The following CCDC141 variants were observed in gnomAD, a reference collection of about 807,000 sequenced individuals.
The protein encoded by CCDC141 is coiled-coil domain containing 141, also known as coiled-coil domain-containing protein 141.
A neutral mutation model predicts 181.0 loss-of-function variants in CCDC141; 168 were observed. The ratio of observed to expected loss-of-function variants is 0.93; its 90% confidence interval spans 0.82 to 1.05. The LOEUF is 1.05. Among genes scored for constraint, CCDC141 ranks in the 50% least tolerant of loss-of-function variants. The pLI is 0.00. For missense variants in CCDC141, 1,902 were observed against 1,788.5 expected (o/e 1.06, Z -1.14); for synonymous variants, 666 against 642.3 (o/e 1.04, Z -0.56).
Position 178,903,766 on chromosome 2 carries a change from A to T in CCDC141, c.1265+1563T>A, listed in dbSNP as rs954054935. ...AAACTTAAAGTATAGTAATAATTTA[A>T]AAAAAAATTAAAAAAAAAAAGAAAG... On this transcript the variant is annotated intron_variant, in intron 8 of 23. Coordinates refer to ENST00000443758, the MANE Select transcript of CCDC141 (RefSeq NM_173648.4). Among the ~76,000 whole-genome samples the T allele has an allele frequency of 1.1e-4, 12 of 106,998 alleles. No individual in the cohort carries two copies. In the East Asian group the frequency reaches 1.9e-3, roughly 17 times the overall value. The allele number at this position is 106,998 out of a possible 152,430, so 70.2% of individuals were successfully genotyped here. A position where few individuals can be genotyped will look rare whatever the true frequency, so the allele number is the denominator to read the frequency against.
intron 8 of CCDC141, among the ~76,000 whole-genome samples, chr2:178,898,878 T>G (rs890033412): frequency 6.6e-6 from 1 of 152,198 alleles, no homozygotes; most frequent in Non-Finnish European, 1.5e-5. Context: ...AAATTAAGCC[T>G]TTTAATACAT....
intron 3 of CCDC141, among the ~76,000 whole-genome samples, chr2:178,975,776 C>A (rs756622575): frequency 6.6e-6 from 1 of 152,058 alleles, no homozygotes; most frequent in Non-Finnish European, 1.5e-5. Context: ...AAAAAATACA[C>A]ACCAAATGGT....
At position 178,834,094 on chromosome 2, in the gene CCDC141, G is replaced by T; in HGVS notation, c.*79C>A. On this transcript the variant is annotated 3_prime_UTR_variant, in exon 24 of 24. Transcript: ENST00000443758. ...AGATACACTTGGTGGGAGATGCTTT[G>T]CAGGAGGTGCAGGAAGATAAACGGC... is the stretch of plus-strand genomic sequence containing the variant. 7.2e-7 allele frequency: 1 copy of T among 1,381,970 alleles called. No individual in the cohort carries two copies. Among genetic ancestry groups the T allele is most frequent in the Non-Finnish European group, 9.8e-7 (1 of 1,019,064 alleles). The allele number at this position is 1,381,970 out of a possible 1,614,324, so 85.6% of individuals were successfully genotyped here.
At chr2:178,958,540 C>T (rs143181056) in intron 5 of CCDC141, among the ~76,000 whole-genome samples, 194 of 152,250 alleles carry the variant, frequency 1.3e-3, no homozygotes, top group African/African-American at 4.6e-3. Context: ...AATGAGACCC[C>T]GTAAGTTAGA....
chr2:178,972,407 C>T (rs542677493), intron 4 of CCDC141, among the ~76,000 whole-genome samples: 1 of 152,236 alleles, frequency 6.6e-6, no homozygotes, highest in African/African-American at 2.4e-5. Flanking sequence ...GGTCTCACAA[C>T]CTGATGATGA....
chr2:178,845,093 C>T (rs1409802646), intron 22 of CCDC141, among the ~76,000 whole-genome samples: 1 of 152,058 alleles, frequency 6.6e-6, no homozygotes, highest in Admixed American at 6.6e-5. Flanking sequence ...TCTCTAAATA[C>T]TTTAGTATTT....
intron 12 of CCDC141, chr2:178,875,374 G>T (rs1268763663): frequency 6.6e-6 from 1 of 152,042 alleles, no homozygotes; most frequent in Non-Finnish European, 1.5e-5. Context: ...AGACCAGCCT[G>T]GTCAACATGG....
In CCDC141 at chr2:178,837,301, C is replaced by G; in HGVS notation, c.3918G>C (p.Val1306=). The change falls in exon 23 of 24, where the codon GTG becomes GTC. Residue 1306 remains valine (V), a synonymous_variant. Transcript: ENST00000443758. The stretch of plus-strand genomic sequence containing the variant: ...TTCTGTGTAAGGCAGTACTCTTTTC[C>G]ACGAATCCTCTGGAGGTTAGTGGGG... ...AEPPLTSRGF[V]EKSTALHRIS... The G allele has an allele frequency of 6.2e-7, 1 of 1,614,066 alleles. No homozygotes were observed. The highest frequency in any genetic ancestry group is 8.5e-7 in the Non-Finnish European group (1 of 1,179,980).
intron 6 of CCDC141, among the ~76,000 whole-genome samples, chr2:178,943,805 G>A (rs1689619276): frequency 6.6e-6 from 1 of 152,092 alleles, no homozygotes; most frequent in Non-Finnish European, 1.5e-5. Flanking sequence ...AAGACACAAT[G>A]GAGAGAAGGT....
In CCDC141 at chr2:178,891,987, A is replaced by G. The variant is rs559293040; in HGVS notation, c.1266-3319T>C. 3.9e-5 allele frequency among the ~76,000 whole-genome samples: 6 copies of G among 152,254 alleles called. No homozygotes were observed. In the South Asian group the frequency reaches 1.2e-3, roughly 32 times the overall value. On this transcript the variant is annotated intron_variant, in intron 8 of 23. Transcript: ENST00000443758. The stretch of plus-strand genomic sequence containing the variant: ...AATGCCCATTTTCAAATCAAATAAA[A>G]TAGTCTCTGGTCATTATTTAAGGGA...
intron 4 of CCDC141, among the ~76,000 whole-genome samples, chr2:178,965,217 A>T (rs1284213973): frequency 6.6e-6 from 1 of 152,324 alleles, no homozygotes; most frequent in African/African-American, 2.4e-5. Flanking sequence ...TTTCTCTTGA[A>T]CATAATTAAC....
At chr2:179,020,632 A>C (rs896663645) in intron 2 of CCDC141, among the ~76,000 whole-genome samples, 7 of 152,152 alleles carry the variant, frequency 4.6e-5, no homozygotes, top group Admixed American at 3.3e-4. Context: ...CAAGTCCCTT[A>C]ATCTCCCTGA....
At position 178,978,486 on chromosome 2, in the gene CCDC141, C is replaced by G. The variant is rs1691221103; in HGVS notation, c.415G>C (p.Glu139Gln). The G allele has an allele frequency of 6.7e-7, 1 of 1,496,694 alleles. No homozygotes were observed. The highest frequency in any genetic ancestry group is 2.6e-5 in the East Asian group (1 of 39,094). 92.7% of individuals were successfully genotyped at this position (1,496,694 alleles called of 1,614,324 possible). A position where few individuals can be genotyped will look rare whatever the true frequency, so the allele number is the denominator to read the frequency against. Residue 139 changes from glutamate to glutamine, a missense_variant and splice_region_variant, in exon 3 of 24, where the codon GAG becomes CAG. Physicochemically the swap from Glu to Gln is conservative, Grantham distance 29. Transcript: ENST00000443758. ...GAGAAGTTTTTTAAAGTACAAACCT[C>G]TAAGGCATTTTCAAAAAATTCAGAA... The part of the protein sequence containing the change: ...LTSEFFENAL[E>Q]FAIKIDQAED...
At position 178,831,866 on chromosome 2, in the gene CCDC141, C is replaced by A. The variant is rs971108927; in HGVS notation, c.*2307G>T. 6.6e-6 allele frequency: 1 copy of A among 152,248 alleles called. No homozygotes were observed. The highest frequency in any genetic ancestry group is 1.5e-5 in the Non-Finnish European group (1 of 68,174). 9.4% of individuals were successfully genotyped at this position (152,248 alleles called of 1,614,324 possible). On this transcript the variant is annotated 3_prime_UTR_variant, in exon 24 of 24. Coordinates refer to ENST00000443758, the MANE Select transcript of CCDC141 (RefSeq NM_173648.4). ...GATCTTTGTGCTCCCCCACCCCCAC[C>A]TTTCTCTTTCTCTCTCTCTCTAAAA... is the stretch of plus-strand genomic sequence containing the variant.
Position 178,884,965 on chromosome 2 carries a change from T to C in CCDC141, c.1655A>G (p.Gln552Arg). The change falls in exon 11 of 24, where the codon CAA (glutamine) becomes CGA (arginine). Residue 552 changes from glutamine (Q) to arginine (R), a missense_variant. Transcript: ENST00000443758. The part of the protein sequence containing the change: ...WLAEELNLFG[Q>R]SIDYRSQVLQ... ...GACTTGCGATCTATAGTCAATGCTT[T>C]GGCCAAATAGGTTTAATTCTTCTGC... 6.4e-7 allele frequency: 1 copy of C among 1,550,486 alleles called. No homozygotes were observed. Among genetic ancestry groups the C allele is most frequent in the Non-Finnish European group, 8.7e-7 (1 of 1,146,886 alleles).
At chr2:179,032,244 T>C (rs907341421) in intron 2 of CCDC141, among the ~76,000 whole-genome samples, 1 of 152,110 alleles carries the variant, frequency 6.6e-6, no homozygotes, top group East Asian at 1.9e-4. Flanking sequence ...AAAAGCAATG[T>C]GAATTCATTC....
intron 6 of CCDC141, among the ~76,000 whole-genome samples, chr2:178,920,585 T>C (rs1004899165): frequency 6.6e-6 from 1 of 151,926 alleles, no homozygotes; most frequent in African/African-American, 2.4e-5. Context: ...TAGCTGGGCA[T>C]AGTGGCGCAT....
In CCDC141 at chr2:179,015,286, C is replaced by CATATATCTCATATATATCAT. The variant is rs2042443950; in HGVS notation, c.225+31997_225+31998insATGATATATATGAGATATAT. On this transcript the variant is annotated intron_variant, in intron 2 of 23. Coordinates refer to ENST00000443758, the MANE Select transcript of CCDC141 (RefSeq NM_173648.4). ...TATCATATATATCTCATCTATCTCT[C>CATATATCTCATATATATCAT]ATATATCTCATATATGTATCATACA... Among the ~76,000 whole-genome samples the CATATATCTCATATATATCAT allele has an allele frequency of 1.7e-5, 2 of 120,860 alleles. 1 individual carries two copies. Among genetic ancestry groups the CATATATCTCATATATATCAT allele is most frequent in the Admixed American group, 1.7e-4 (2 of 11,640 alleles). 79.3% of individuals were successfully genotyped at this position (120,860 alleles called of 152,430 possible). A position where few individuals can be genotyped will look rare whatever the true frequency, so the allele number is the denominator to read the frequency against.
the CCDC141 span, among the ~76,000 whole-genome samples, chr2:178,816,631 T>A: frequency 6.6e-6 from 1 of 152,200 alleles, no homozygotes; most frequent in African/African-American, 2.4e-5. Flanking sequence ...TCTTCCAAAG[T>A]GGCTCTGCCG....
Sources: allele counts gnomAD v4.1 joint callset (sites outside exome capture counted in the v4.1 genomes callset), GRCh38; gene constraint gnomAD v4.1.1; transcripts MANE v1.5; gene names NCBI Gene and HGNC (gene_info 2026-07-23, HGNC 2026-07-21).